The following BNC2 variants were observed in gnomAD, a reference collection of about 807,000 sequenced individuals.
The protein encoded by BNC2 is basonuclin zinc finger protein 2.
Under a neutral mutation model 76.3 loss-of-function variants are expected in BNC2, and 20 were observed. That is an observed-to-expected ratio of 0.26 (90% CI 0.18 to 0.38). BNC2 has a LOEUF of 0.38. Among genes scored for constraint, BNC2 ranks in the 10% least tolerant of loss-of-function variants. The probability of loss-of-function intolerance (pLI) is 1.00; values close to 1 mark genes in which losing one functional copy is unlikely to be tolerated. For missense variants in BNC2, 1,382 were observed against 1,399.8 expected (o/e 0.99, Z 0.20); for synonymous variants, 582 against 514.8 (o/e 1.13, Z -1.77).
At chr9:16,512,707 G>T (rs561180572) in intron 5 of BNC2, among the ~76,000 whole-genome samples, 6 of 152,092 alleles carry the variant, frequency 3.9e-5, no homozygotes, top group Non-Finnish European at 7.4e-5. Flanking sequence ...AAACTAGTAA[G>T]AATCTTTTTG....
intron 1 of BNC2, among the ~76,000 whole-genome samples, chr9:16,749,154 A>G: frequency 6.6e-6 from 1 of 152,030 alleles, no homozygotes; most frequent in Non-Finnish European, 1.5e-5. Context: ...TTAGCCCAGT[A>G]TGAATATTTA....
intron 3 of BNC2, among the ~76,000 whole-genome samples, chr9:16,685,135 G>A (rs1338388889): frequency 1.3e-5 from 2 of 152,166 alleles, no homozygotes; most frequent in East Asian, 1.9e-4. Flanking sequence ...TACCTGTTAT[G>A]TGCCAGGTCC....
chr9:16,572,379 G>T (rs1819350220), intron 4 of BNC2, among the ~76,000 whole-genome samples: 2 of 152,178 alleles, frequency 1.3e-5, no homozygotes, highest in Admixed American at 1.3e-4. Flanking sequence ...GGTGTTTGTG[G>T]GCTGTGCTTA....
rs754154261 is a variant in BNC2 at position 16,419,271 on chromosome 9, G to C, written c.3018C>G (p.Ala1006=). 3 of 1,614,134 alleles carry C rather than the reference G, an allele frequency of 1.9e-6. No homozygotes were observed. The highest frequency in any genetic ancestry group is 4.5e-5 in the East Asian group (2 of 44,842). The part of the protein sequence containing the change: ...ASDSGESAHK[A]EAPALPGSLG... ...GGCTGCCAGGGAGGGCAGGGGCCTC[G>C]GCCTTGTGTGCCGACTCCCCACTGT... is the stretch of plus-strand genomic sequence containing the variant. The change falls in exon 7 of 7, where the codon GCC becomes GCG. Residue 1006 remains alanine (A), a synonymous_variant. Coordinates refer to ENST00000380672, the MANE Select transcript of BNC2 (RefSeq NM_017637.6).
At chr9:16,644,101 T>C (rs1821561746) in intron 3 of BNC2, among the ~76,000 whole-genome samples, 3 of 152,158 alleles carry the variant, frequency 2.0e-5, no homozygotes, top group African/African-American at 7.2e-5. Flanking sequence ...TCAAAAGACT[T>C]TGAAATATCT....
intron 5 of BNC2, among the ~76,000 whole-genome samples, chr9:16,511,047 T>G (rs960818415): frequency 1.3e-5 from 2 of 152,008 alleles, no homozygotes; most frequent in African/African-American, 4.8e-5. Flanking sequence ...AATAGCCACT[T>G]AGCTTTTGTT....
intron 1 of BNC2, among the ~76,000 whole-genome samples, chr9:16,781,175 T>C (rs1366530636): frequency 6.6e-6 from 1 of 151,894 alleles, no homozygotes; most frequent in Non-Finnish European, 1.5e-5. Flanking sequence ...TAACATTTTG[T>C]TCAGCTGATA....
chr9:16,764,453 C>A (rs946754595), intron 1 of BNC2, among the ~76,000 whole-genome samples: 3 of 152,146 alleles, frequency 2.0e-5, no homozygotes, highest in African/African-American at 7.2e-5. Context: ...AGTAACCCAA[C>A]CTAAAAATCT....
intron 1 of BNC2, among the ~76,000 whole-genome samples, chr9:16,810,563 C>A (rs1205143789): frequency 6.6e-6 from 1 of 152,226 alleles, no homozygotes; most frequent in African/African-American, 2.4e-5. Flanking sequence ...GGCAAGCAGA[C>A]CCTGCAGCCA....
At chr9:16,424,551 A>C (rs2891009) in intron 6 of BNC2, among the ~76,000 whole-genome samples, 1,621 of 152,322 alleles carry the variant, frequency 0.011, 7 homozygotes, top group Middle Eastern at 0.02. Context: ...GATATTGTAC[A>C]GAATGATCAT....
intron 3 of BNC2, among the ~76,000 whole-genome samples, chr9:16,612,162 C>G (rs2133441406): frequency 6.6e-6 from 1 of 152,058 alleles, no homozygotes; most frequent in East Asian, 1.9e-4. Flanking sequence ...GTCTTTCTTT[C>G]TCCCCACATC....
chr9:16,794,031 A>T (rs1817584213), intron 1 of BNC2, among the ~76,000 whole-genome samples: 1 of 151,892 alleles, frequency 6.6e-6, no homozygotes, highest in Admixed American at 6.6e-5. Context: ...ACAGAAAATT[A>T]TTTAAATGAT....
At chr9:16,837,911 A>G (rs761512351) in intron 1 of BNC2, among the ~76,000 whole-genome samples, 6 of 152,112 alleles carry the variant, frequency 3.9e-5, no homozygotes, top group Non-Finnish European at 8.8e-5. Flanking sequence ...TTGGGCAACA[A>G]GAGTGAAACT....
At chr9:16,686,584 A>C (rs971264203) in intron 3 of BNC2, among the ~76,000 whole-genome samples, 2 of 151,822 alleles carry the variant, frequency 1.3e-5, no homozygotes, top group Non-Finnish European at 2.9e-5. Context: ...CTATCAAAGC[A>C]CTCCTCTGTT....
intron 1 of BNC2, among the ~76,000 whole-genome samples, chr9:16,770,772 G>A (rs1044266933): frequency 7.9e-5 from 12 of 152,042 alleles, no homozygotes; most frequent in Non-Finnish European, 1.8e-4. Context: ...GCTGAGGTGG[G>A]AGAATCGCTT....
chr9:16,520,362 G>A (rs574293017), intron 5 of BNC2, among the ~76,000 whole-genome samples: 1 of 152,186 alleles, frequency 6.6e-6, no homozygotes, highest in African/African-American at 2.4e-5. Flanking sequence ...CCTTGAACAA[G>A]AAAGAAGCCA....
chr9:16,459,913 C>T (rs576441790), intron 5 of BNC2, among the ~76,000 whole-genome samples: 9 of 152,274 alleles, frequency 5.9e-5, no homozygotes, highest in East Asian at 1.9e-4. Flanking sequence ...CTTTCTGAAA[C>T]GGCTTTGAGA....
At chr9:16,737,038 T>C in intron 2 of BNC2, among the ~76,000 whole-genome samples, 1 of 150,392 alleles carries the variant, frequency 6.6e-6, no homozygotes, top group African/African-American at 2.5e-5. Flanking sequence ...ACTCCCAACC[T>C]CAGGAGATCC....
chr9:16,484,494 A>G (rs1224603635), intron 5 of BNC2, among the ~76,000 whole-genome samples: 1 of 152,202 alleles, frequency 6.6e-6, no homozygotes, highest in African/African-American at 2.4e-5. Context: ...TTGTAAAACT[A>G]AAATATTTAA....
Sources: gnomAD v4.1 joint callset for allele counts (sites outside exome capture counted in the v4.1 genomes callset) on GRCh38, gnomAD v4.1.1 for gene constraint, MANE v1.5 for transcripts, NCBI Gene and HGNC (gene_info 2026-07-23, HGNC 2026-07-21) for gene names.